The following BLTP3B variants were observed in gnomAD, a reference collection of about 807,000 sequenced individuals.
The protein encoded by BLTP3B is bridge-like lipid transfer protein family member 3B, also known as UHRF1 (ICBP90) binding protein 1-like.
chr12:100,070,312 G>A, the BLTP3B span: 2 of 988,586 alleles, frequency 2.0e-6, no homozygotes, highest in Non-Finnish European at 2.6e-6. Context: ...TTGAGACGGA[G>A]TTTCGCTCTT....
the BLTP3B span, among the ~76,000 whole-genome samples, chr12:100,041,741 T>G: frequency 6.6e-6 from 1 of 152,080 alleles, no homozygotes; most frequent in Non-Finnish European, 1.5e-5. Context: ...GGCCTGCTAT[T>G]GTCACTTCTA....
the BLTP3B span, among the ~76,000 whole-genome samples, chr12:100,053,928 A>G: frequency 6.6e-6 from 1 of 152,182 alleles, no homozygotes; most frequent in Non-Finnish European, 1.5e-5. Flanking sequence ...GTCTCCTTCC[A>G]ATGAAAATTA....
the BLTP3B span, among the ~76,000 whole-genome samples, chr12:100,105,916 AAAG>A: frequency 6.6e-6 from 1 of 152,202 alleles, no homozygotes; most frequent in Non-Finnish European, 1.5e-5. Context: ...ACATTTTGCA[AAAG>A]AAGATATACA....
the BLTP3B span, among the ~76,000 whole-genome samples, chr12:100,102,335 C>G: frequency 6.6e-6 from 1 of 152,198 alleles, no homozygotes; most frequent in African/African-American, 2.4e-5. Context: ...TGGTCTCAAA[C>G]ACCTGAGTCC....
the BLTP3B span, among the ~76,000 whole-genome samples, chr12:100,069,107 G>A: frequency 6.6e-6 from 1 of 152,134 alleles, no homozygotes; most frequent in African/African-American, 2.4e-5. Flanking sequence ...TGCTACTCAG[G>A]AGGCTGAGGG....
chr12:100,139,483 C>G, the BLTP3B span, among the ~76,000 whole-genome samples: 1 of 152,228 alleles, frequency 6.6e-6, no homozygotes, highest in Admixed American at 6.5e-5. Flanking sequence ...ATTTCCTTAC[C>G]GGAAGACCCC....
the BLTP3B span, chr12:100,039,652 A>C: frequency 6.2e-7 from 1 of 1,614,032 alleles, no homozygotes; most frequent in Non-Finnish European, 8.5e-7. Flanking sequence ...TGAGAAGGCC[A>C]AGGAACCCCT....
chr12:100,123,982 G>A, the BLTP3B span, among the ~76,000 whole-genome samples: 2 of 152,150 alleles, frequency 1.3e-5, no homozygotes, highest in Admixed American at 1.3e-4. Context: ...CTTTAAAATA[G>A]GATAGGCATT....
At chr12:100,058,278 T>C in the BLTP3B span, 27 of 1,613,744 alleles carry the variant, frequency 1.7e-5, no homozygotes, top group Admixed American at 4.3e-4. Context: ...AAATGAATCC[T>C]TTTTGTCACT....
the BLTP3B span, among the ~76,000 whole-genome samples, chr12:100,115,406 A>C: frequency 6.6e-6 from 1 of 152,176 alleles, no homozygotes; most frequent in Non-Finnish European, 1.5e-5. Context: ...ACTCTGTCTC[A>C]AAAAATAAAA....
chr12:100,075,497 A>T, the BLTP3B span, among the ~76,000 whole-genome samples: 1 of 152,210 alleles, frequency 6.6e-6, no homozygotes, highest in African/African-American at 2.4e-5. Context: ...GTGAGACCTC[A>T]TTGGAGAGCT....
the BLTP3B span, among the ~76,000 whole-genome samples, chr12:100,131,876 G>A: frequency 3.3e-5 from 5 of 152,270 alleles, no homozygotes; most frequent in African/African-American, 7.2e-5. Flanking sequence ...TGCAACCTCC[G>A]CCTCCTGGGC....
chr12:100,056,876 G>T, the BLTP3B span, among the ~76,000 whole-genome samples: 1 of 151,896 alleles, frequency 6.6e-6, no homozygotes, highest in Non-Finnish European at 1.5e-5. Flanking sequence ...TTTGCCTCTG[G>T]TATCCTATGT....
the BLTP3B span, among the ~76,000 whole-genome samples, chr12:100,037,988 T>A: frequency 6.6e-6 from 1 of 152,224 alleles, no homozygotes; most frequent in Non-Finnish European, 1.5e-5. Context: ...CCTAATTTCC[T>A]AGTCTAATAG....
the BLTP3B span, among the ~76,000 whole-genome samples, chr12:100,053,054 A>G: frequency 6.6e-6 from 1 of 151,482 alleles, no homozygotes; most frequent in Non-Finnish European, 1.5e-5. Flanking sequence ...CGGCCTCCCA[A>G]AATGCTGGGA....
chr12:100,047,589 G>C, the BLTP3B span: 1 of 1,613,608 alleles, frequency 6.2e-7, no homozygotes, highest in Middle Eastern at 1.7e-4. Context: ...AATATGTACA[G>C]TTACAGGAGC....
chr12:100,038,877 C>G, the BLTP3B span, among the ~76,000 whole-genome samples: 1 of 152,194 alleles, frequency 6.6e-6, no homozygotes, highest in Admixed American at 6.5e-5. Context: ...TCTTCTAAAT[C>G]TAGCTTAAGA....
At chr12:100,059,629 C>T in the BLTP3B span, 2 of 1,342,758 alleles carry the variant, frequency 1.5e-6, no homozygotes, top group South Asian at 3.1e-5. Flanking sequence ...TTTTTCTTGA[C>T]CTTTCCCCCA....
At chr12:100,091,750 C>A in the BLTP3B span, among the ~76,000 whole-genome samples, 1 of 151,938 alleles carries the variant, frequency 6.6e-6, no homozygotes, top group East Asian at 1.9e-4. Flanking sequence ...GGTGACCCAC[C>A]CGCCTCAGCC....
Sources: allele counts gnomAD v4.1 joint callset (sites outside exome capture counted in the v4.1 genomes callset), GRCh38; gene constraint gnomAD v4.1.1; transcripts MANE v1.5; gene names NCBI Gene and HGNC (gene_info 2026-07-23, HGNC 2026-07-21).